The following LAMA3 variants were observed in gnomAD, a reference collection of about 807,000 sequenced individuals.
LAMA3 encodes the protein laminin subunit alpha-3.
In LAMA3, 281 loss-of-function variants were observed where a neutral mutation model predicts 402.0. The ratio of observed to expected loss-of-function variants is 0.70; its 90% CI spans 0.63 to 0.77. LAMA3 has a LOEUF of 0.77. Ranked by LOEUF, LAMA3 falls within the 30% of genes least tolerant of loss-of-function variation. The pLI, the probability that LAMA3 is intolerant of heterozygous loss-of-function variation, is 0.00. For synonymous variants in LAMA3, 1,431 were observed against 1,558.4 expected, an observed-to-expected ratio of 0.92 and a Z score of 1.93; for missense variants, 3,840 against 4,215.5, an observed-to-expected ratio of 0.91 and a Z score of 2.47.
Position 23,873,224 on chromosome 18 carries a change from C to T in LAMA3, c.4998+1563C>T, listed in dbSNP as rs201509982. On this transcript the variant is annotated intron_variant, in intron 38 of 74. Transcript: ENST00000313654. ...AGTTTAGACCCAGCCAGGTAACGTC[C>T]TTTTAAGTTTTGGTTTGTGATAGGG... is the stretch of plus-strand genomic sequence containing the variant. 2 of 1,613,348 alleles carry T rather than the reference C, an allele frequency of 1.2e-6. No homozygotes were observed. The highest frequency in any genetic ancestry group is 2.2e-5 in the South Asian group (2 of 91,060).
intron 33 of LAMA3, 40 bp downstream of exon 33, chr18:23,858,028 CA>C (rs769922139): frequency 6.2e-7 from 1 of 1,613,502 alleles, no homozygotes; most frequent in Non-Finnish European, 8.5e-7. Context: ...AGCTGCCGGT[CA>C]GCAGGAAAGT....
Position 23,810,483 on chromosome 18 carries a change from A to G in LAMA3, c.1721A>G (p.Tyr574Cys). ...QRCDRCLSGAYDFPHCQGSSS... is the reference protein window; with the variant it reads ...QRCDRCLSGACDFPHCQGSSS... The stretch of plus-strand genomic sequence containing the variant: ...TGTGACAGGTGTCTCTCAGGAGCTT[A>G]TGATTTCCCCCACTGCCAAGGTAGG... The change falls in exon 13 of 75, where the codon TAT becomes TGT. Residue 574 changes from tyrosine (Y) to cysteine (C), a missense_variant. Physicochemically the swap from Tyr to Cys is radical, Grantham distance 194 (BLOSUM62 -2). Transcript: ENST00000313654. 6.2e-7 allele frequency: 1 copy of G among 1,614,074 alleles called. No homozygotes were observed. Among genetic ancestry groups the G allele is most frequent in the South Asian group, 1.1e-5 (1 of 91,072 alleles).
chr18:23,738,398 C>CAGAT (rs1489869569), intron 2 of LAMA3, among the ~76,000 whole-genome samples: 1 of 151,998 alleles, frequency 6.6e-6, no homozygotes, highest in Non-Finnish European at 1.5e-5. Flanking sequence ...AGCGGATGTG[C>CAGAT]AGATGCAAAT....
In LAMA3 at chr18:23,816,456, C is replaced by A. The variant is rs759225610; in HGVS notation, c.2116C>A (p.Arg706=). ...TGGGCCCTCGGGAGTGTGCCAGTGC[C>A]GAGAGCATGTCGTGGGAAAGGTGTG... is the stretch of plus-strand genomic sequence containing the variant. ...CSGPSGVCQC[R]EHVVGKVCQR... is the part of the protein sequence containing the mutation. Residue 706 remains arginine (R), a synonymous_variant, in exon 18 of 75, where the codon CGA becomes AGA. Coordinates refer to ENST00000313654, the MANE Select transcript of LAMA3 (RefSeq NM_198129.4). 3 of 1,613,960 alleles carry A rather than the reference C, an allele frequency of 1.9e-6. No homozygotes were observed. Among genetic ancestry groups the A allele is most frequent in the Middle Eastern group, 1.7e-4 (1 of 6,060 alleles).
rs764160602 is a variant in LAMA3, at chr18:23,884,787, G to C, written c.5237G>C (p.Cys1746Ser). 3 of 1,613,874 alleles carry C rather than the reference G, an allele frequency of 1.9e-6. No homozygotes were observed. The highest frequency in any genetic ancestry group is 2.5e-6 in the Non-Finnish European group (3 of 1,179,842). ...CPHTNSFATG[C>S]VVNGGDVRCS... ...CTTCTTTCAAGCTTTGCCACTGGCT[G>C]TGTGGTGAATGGGGGAGACGTGCGG... The change falls in exon 41 of 75, where the codon TGT (cysteine) becomes TCT (serine). Residue 1746 changes from cysteine (C) to serine (S), a missense_variant. Cys to Ser is a moderately radical substitution (Grantham distance 112, BLOSUM62 -1). Coordinates refer to ENST00000313654, the MANE Select transcript of LAMA3 (RefSeq NM_198129.4).
chr18:23,889,719 AGGAAGAAAGGAAG>A (rs2080585919), intron 41 of LAMA3, among the ~76,000 whole-genome samples: 1 of 122,118 alleles, frequency 8.2e-6, no homozygotes, highest in Non-Finnish European at 1.5e-5. Flanking sequence ...GGAGGAAGGA[AGGAAGAAAGGAAG>A]GAAAGGAAGG....
rs376872485 is a variant in LAMA3, at chr18:23,824,554, G to A, written c.2560G>A (p.Gly854Arg). The part of the protein sequence containing the change: ...GIWVACIKAE[G>R]VLLDYLVLLP... Reference sequence around the variant, plus strand: ...ATGGGTTGCTTGTATTAAGGCAGAAGGAGTCCTTCTGGTAAGACTTAGTTC... The same window carrying A: ...ATGGGTTGCTTGTATTAAGGCAGAAAGAGTCCTTCTGGTAAGACTTAGTTC... Residue 854 changes from glycine (G) to arginine (R), a missense_variant, in exon 21 of 75, where the codon GGA (glycine) becomes AGA (arginine). By Grantham distance (125) the Gly-to-Arg change is moderately radical (BLOSUM62 -2). This residue lies in a region of LAMA3 where 2,109 missense variants were observed against 2,376.0 expected (regional missense o/e 0.89). Coordinates refer to ENST00000313654, the MANE Select transcript of LAMA3 (RefSeq NM_198129.4). 2 of 1,613,914 alleles carry A rather than the reference G, an allele frequency of 1.2e-6. No homozygotes were observed. The highest frequency in any genetic ancestry group is 1.3e-5 in the African/African-American group (1 of 74,916).
chr18:23,822,481 C>A, intron 20 of LAMA3, 106 bp downstream of exon 20: 2 of 1,252,404 alleles, frequency 1.6e-6, no homozygotes, highest in Non-Finnish European at 2.3e-6. Context: ...AAATGTCAAG[C>A]CTGGCTCATG....
At chr18:23,924,392 T>G (rs2081939741) in intron 62 of LAMA3, among the ~76,000 whole-genome samples, 1 of 152,030 alleles carries the variant, frequency 6.6e-6, no homozygotes, top group South Asian at 2.1e-4. Flanking sequence ...GCTCAGGTAG[T>G]CCACCCACCT....
rs2081734677 is a variant in LAMA3, at chr18:23,918,872, G to A, written c.7924-2063G>A. On this transcript the variant is annotated intron_variant, in intron 60 of 74. Coordinates refer to ENST00000313654, the MANE Select transcript of LAMA3 (RefSeq NM_198129.4). This position sits in a 1 kb window ranked among gnomAD's most constrained non-coding sequence, Gnocchi z 4.1. ...ACCCGGTCCAACTCTCCTCTCTGGG[G>A]TTGGTCTGGACCCTTCAGGAGATTC... Among the ~76,000 whole-genome samples the A allele has an allele frequency of 6.6e-6, 1 of 152,196 alleles. No individual in the cohort carries two copies. The highest frequency in any genetic ancestry group is 6.5e-5 in the Admixed American group (1 of 15,286).
At chr18:23,840,946 T>C (rs1421920450) in intron 27 of LAMA3, among the ~76,000 whole-genome samples, 2 of 152,220 alleles carry the variant, frequency 1.3e-5, no homozygotes, top group Non-Finnish European at 2.9e-5. Flanking sequence ...TTGAACGTTA[T>C]ATCAGTGCTC....
chr18:23,883,793 A>G (rs977299273), intron 40 of LAMA3, among the ~76,000 whole-genome samples: 2 of 152,242 alleles, frequency 1.3e-5, no homozygotes, highest in African/African-American at 4.8e-5. Flanking sequence ...TCATTTGCAA[A>G]GCGTAGTAGC....
intron 64 of LAMA3, among the ~76,000 whole-genome samples, chr18:23,930,283 T>C (rs1018212564): frequency 1.3e-5 from 2 of 152,146 alleles, no homozygotes; most frequent in African/African-American, 2.4e-5. Context: ...ACATGGAGAA[T>C]TGGACTTCCC....
At chr18:23,715,169 TC>T (rs1295528301) in intron 2 of LAMA3, among the ~76,000 whole-genome samples, 1 of 152,132 alleles carries the variant, frequency 6.6e-6, no homozygotes, top group Non-Finnish European at 1.5e-5. Context: ...ATGAAAATGT[TC>T]TAAAATTGAT....
Position 23,947,097 on chromosome 18 carries a change from C to G in LAMA3, c.9351+813C>G, listed in dbSNP as rs1012418963. ...AGGGAAAGTTGGGACTCCCTCTGTCCCCAGAGAGGAGGGGTGCTTTTCTAG... is the reference window on the plus strand; with the variant it reads ...AGGGAAAGTTGGGACTCCCTCTGTCGCCAGAGAGGAGGGGTGCTTTTCTAG... On this transcript the variant is annotated intron_variant, in intron 70 of 74. Coordinates refer to ENST00000313654, the MANE Select transcript of LAMA3 (RefSeq NM_198129.4). Among the ~76,000 whole-genome samples the G allele has an allele frequency of 2.6e-5, 4 of 152,094 alleles. No individual in the cohort carries two copies. The East Asian group carries it at 5.8e-4, about 22-fold the overall frequency.
chr18:23,796,090 C>T (rs1367001500), intron 12 of LAMA3: 1 of 443,202 alleles, frequency 2.3e-6, no homozygotes, highest in South Asian at 1.6e-5. Flanking sequence ...AACCAGCCAG[C>T]ACCTGGATCT....
chr18:23,831,793 T>C (rs1395836705), intron 23 of LAMA3, among the ~76,000 whole-genome samples: 2 of 152,158 alleles, frequency 1.3e-5, no homozygotes, highest in Non-Finnish European at 2.9e-5. Flanking sequence ...AGTTATCCCT[T>C]TTAGTTTGTA....
At chr18:23,925,311 G>A (rs2081973470) in intron 62 of LAMA3, among the ~76,000 whole-genome samples, 1 of 152,210 alleles carries the variant, frequency 6.6e-6, no homozygotes, top group Non-Finnish European at 1.5e-5. Flanking sequence ...CCAGATCTTG[G>A]AATGGCTTGT....
rs2082844624 is a variant in LAMA3 at position 23,949,902 on chromosome 18, A to G, written c.9489A>G (p.Glu3163=). ...TGGAGAAAGGCATTTATTTCTCTGA[A>G]GAAGGAGGTCATGTCGTCTTGGGTA... ...GPLEKGIYFS[E]EGGHVVLAHS... is the part of the protein sequence containing the mutation. Residue 3163 remains glutamate (E), a synonymous_variant, in exon 71 of 75, where the codon GAA becomes GAG. Coordinates refer to ENST00000313654, the MANE Select transcript of LAMA3 (RefSeq NM_198129.4). The G allele has an allele frequency of 6.2e-7, 1 of 1,614,068 alleles. No homozygotes were observed.
Sources: allele counts gnomAD v4.1 joint callset (sites outside exome capture counted in the v4.1 genomes callset), GRCh38; gene constraint gnomAD v4.1.1; regional missense constraint gnomAD v4.1.1; non-coding constraint Gnocchi (gnomAD v3.1); transcripts MANE v1.5; gene names NCBI Gene and HGNC (gene_info 2026-07-23, HGNC 2026-07-21).